MTFR1: variants seen among roughly 807,000 people sequenced by gnomAD.
The protein encoded by MTFR1 is chondrocyte protein with a poly-proline region.
Under a neutral mutation model 38.8 loss-of-function variants are expected in MTFR1, and 28 were observed. The observed-to-expected ratio is 0.72, with a 90% CI of 0.53 to 0.99. The LOEUF is 0.99. Among genes scored for constraint, MTFR1 ranks in the 50% least tolerant of loss-of-function variants. The pLI is 0.00. For synonymous variants in MTFR1, 145 were observed against 137.0 expected, an observed-to-expected ratio of 1.06 and a Z score of -0.41; for missense variants, 358 against 395.5, an observed-to-expected ratio of 0.91 and a Z score of 0.81.
At chr8:65,693,792 A>G in intron 4 of MTFR1, 33 bp downstream of exon 4, 2 of 1,496,052 alleles carry the variant, frequency 1.3e-6, no homozygotes, top group Non-Finnish European at 1.9e-6. Flanking sequence ...ACTGAGATGC[A>G]ATATCTATTT....
At chr8:65,708,113 C>T in intron 7 of MTFR1, 102 bp downstream of exon 7, 1 of 1,601,314 alleles carries the variant, frequency 6.2e-7, no homozygotes, top group East Asian at 2.2e-5. Flanking sequence ...CTGTAAGTTC[C>T]AAAGGGAGGT....
intron 3 of MTFR1, chr8:65,722,838 G>A (rs1206431363): frequency 1.3e-5 from 2 of 152,220 alleles, no homozygotes; most frequent in Non-Finnish European, 2.9e-5. Context: ...AAAAGTGACT[G>A]ACTCTGCCTA....
chr8:65,664,610 GTT>G (rs766902728), intron 1 of MTFR1, among the ~76,000 whole-genome samples: 84 of 129,792 alleles, frequency 6.5e-4, no homozygotes, highest in African/African-American at 2.0e-3. Context: ...GTTTTCCTTT[GTT>G]TTTTTTTTTT....
chr8:65,699,350 T>C (rs1805544259), intron 4 of MTFR1, among the ~76,000 whole-genome samples: 1 of 152,242 alleles, frequency 6.6e-6, no homozygotes, highest in African/African-American at 2.4e-5. Flanking sequence ...CCTTTAGGTA[T>C]ATACCCAATA....
intron 3 of MTFR1, among the ~76,000 whole-genome samples, chr8:65,760,562 A>T (rs1242853353): frequency 6.6e-6 from 1 of 152,190 alleles, no homozygotes. Context: ...AGATTTCCAG[A>T]ACTGTCCTAG....
chr8:65,689,704 T>C (rs1805214458), intron 3 of MTFR1: 1 of 698,164 alleles, frequency 1.4e-6, no homozygotes, highest in African/African-American at 1.9e-5. Context: ...TGACTTCACC[T>C]TGACTTGTAC....
chr8:65,708,828 A>G, intron 7 of MTFR1, 148 bp from the exon 8 acceptor site: 1 of 691,906 alleles, frequency 1.4e-6, no homozygotes, highest in Non-Finnish European at 2.5e-6. Flanking sequence ...ACAACCCATC[A>G]ATTTGTAAAG....
intron 2 of MTFR1, among the ~76,000 whole-genome samples, chr8:65,672,344 T>C (rs1026428070): frequency 2.6e-5 from 4 of 152,194 alleles, no homozygotes; most frequent in African/African-American, 9.6e-5. Context: ...AAGGAATCTT[T>C]CAAGATTTTA....
chr8:65,755,193 A>T (rs1315081573), intron 3 of MTFR1, among the ~76,000 whole-genome samples: 1 of 151,024 alleles, frequency 6.6e-6, no homozygotes, highest in East Asian at 2.0e-4. Context: ...GCTAATTTTT[A>T]TATCTTTAGT....
chr8:65,771,205 A>C (rs1287636968), exon 4 of MTFR1: 1 of 167,066 alleles, frequency 6.0e-6, no homozygotes, highest in Non-Finnish European at 1.3e-5. Context: ...ATGTATCTTC[A>C]TAATATAAAC....
chr8:65,752,801 T>C (rs1159626461), intron 3 of MTFR1, among the ~76,000 whole-genome samples: 1 of 152,216 alleles, frequency 6.6e-6, no homozygotes, highest in Non-Finnish European at 1.5e-5. Flanking sequence ...AACACCTTTA[T>C]GTGTTTTCTA....
chr8:65,696,327 CT>C (rs1015556497), intron 4 of MTFR1, among the ~76,000 whole-genome samples: 5 of 152,174 alleles, frequency 3.3e-5, no homozygotes, highest in African/African-American at 1.2e-4. Context: ...TTTATTTAAA[CT>C]TTTTATTTTG....
intron 2 of MTFR1, chr8:65,719,090 A>G (rs1806266485): frequency 3.4e-6 from 2 of 581,984 alleles, no homozygotes; most frequent in Non-Finnish European, 6.1e-6. Flanking sequence ...AGCCAAATTC[A>G]TATTGCTGTA....
intron 3 of MTFR1, chr8:65,727,469 C>T (rs1241840558): frequency 1.2e-6 from 1 of 853,924 alleles, no homozygotes; most frequent in African/African-American, 1.7e-5. Context: ...TCTGCCAGGT[C>T]CTGATCTCAT....
At chr8:65,662,672 C>T (rs1187050914) in intron 1 of MTFR1, among the ~76,000 whole-genome samples, 4 of 143,126 alleles carry the variant, frequency 2.8e-5, no homozygotes, top group South Asian at 2.2e-4. Flanking sequence ...CTGGCAACCG[C>T]CCCGTCTGAG....
chr8:65,765,120 A>G (rs1443216215), intron 3 of MTFR1, among the ~76,000 whole-genome samples: 1 of 152,226 alleles, frequency 6.6e-6, no homozygotes, highest in Non-Finnish European at 1.5e-5. Context: ...ATAGGCTACA[A>G]TGTAAATATC....
chr8:65,771,605 G>A (rs1455412591), downstream of MTFR1, among the ~76,000 whole-genome samples: 1 of 152,092 alleles, frequency 6.6e-6, no homozygotes, highest in East Asian at 1.9e-4. Flanking sequence ...GGCTCACGCG[G>A]TGGCTCACGC....
intron 2 of MTFR1, chr8:65,719,363 G>C (rs79989766): frequency 1.9e-6 from 3 of 1,613,982 alleles, no homozygotes; most frequent in Non-Finnish European, 8.5e-7. Context: ...CTCACTGCTC[G>C]ACTGTTCTCT....
At chr8:65,708,360 A>G (rs1019430048) in intron 7 of MTFR1, 4 of 359,952 alleles carry the variant, frequency 1.1e-5, no homozygotes, top group Non-Finnish European at 2.1e-5. Context: ...TTATTTAAGC[A>G]TAGTGAAGTG....
Sources: allele counts gnomAD v4.1 joint callset (sites outside exome capture counted in the v4.1 genomes callset), GRCh38; gene constraint gnomAD v4.1.1; transcripts MANE v1.5; gene names NCBI Gene and HGNC (gene_info 2026-07-23, HGNC 2026-07-21).